Variants in GRB2 observed in about 807,000 individuals in gnomAD.
GRB2 encodes growth factor receptor bound protein 2, also known as growth factor receptor-bound protein 2.
A neutral mutation model predicts 27.4 loss-of-function variants in GRB2; 2 were observed. The ratio of observed to expected loss-of-function variants is 0.07; its 90% CI spans 0.03 to 0.23. GRB2 has a LOEUF of 0.23. GRB2 is among the 10% of genes least tolerant of loss of function. The probability of loss-of-function intolerance (pLI) is 1.00; values close to 1 mark genes in which losing one functional copy is unlikely to be tolerated. For synonymous variants in GRB2, 94 were observed against 99.6 expected (o/e 0.94, Z 0.33); for missense variants, 102 against 282.4 (o/e 0.36, Z 4.58).
At chr17:75,381,149 T>C (rs979704779) in intron 2 of GRB2, among the ~76,000 whole-genome samples, 13 of 152,224 alleles carry the variant, frequency 8.5e-5, no homozygotes, top group African/African-American at 2.9e-4. Context: ...TAACTTGATA[T>C]GTTATACAAC....
intron 2 of GRB2, among the ~76,000 whole-genome samples, chr17:75,349,587 T>C (rs1457455717): frequency 5.5e-5 from 8 of 144,852 alleles, no homozygotes; most frequent in Non-Finnish European, 4.5e-5. Flanking sequence ...CTTGGCCCAC[T>C]GCAACCCCCG....
chr17:75,320,959 A>C lies in GRB2; in HGVS notation c.469-406T>G, dbSNP rs1165416075. ...AAAGTTCTGGAGCTCGAATAACATA[A>C]GGGGCTCTAACCGTAACTTACGACC... is the stretch of plus-strand genomic sequence containing the variant. On this transcript the variant is annotated intron_variant, in intron 5 of 5. Coordinates refer to ENST00000316804, the MANE Select transcript of GRB2 (RefSeq NM_002086.5). This position sits in a 1 kb window ranked among gnomAD's most constrained non-coding sequence, Gnocchi z 4.3. Among the ~76,000 whole-genome samples, 1 of 152,110 alleles carries C rather than the reference A, an allele frequency of 6.6e-6. No homozygotes were observed. The highest frequency in any genetic ancestry group is 1.5e-5 in the Non-Finnish European group (1 of 68,036).
At chr17:75,405,275 G>C (rs1385985190) in intron 1 of GRB2, 1 of 152,568 alleles carries the variant, frequency 6.6e-6, no homozygotes. Context: ...ACTGCCCAGA[G>C]CCAAGAGCCG....
At chr17:75,345,694 TACCCCC>T (rs531480418) in intron 2 of GRB2, among the ~76,000 whole-genome samples, 29 of 151,986 alleles carry the variant, frequency 1.9e-4, no homozygotes, top group African/African-American at 3.9e-4. Context: ...GGCAAGTCCC[TACCCCC>T]ACCCCCACCC....
At chr17:75,336,914 T>C (rs965841385) in intron 2 of GRB2, among the ~76,000 whole-genome samples, 2 of 152,118 alleles carry the variant, frequency 1.3e-5, no homozygotes, top group Middle Eastern at 3.2e-3. Flanking sequence ...ATTTTTGTAC[T>C]TTTAGCAGAC....
chr17:75,367,866 CTT>C (rs57061738), intron 2 of GRB2, among the ~76,000 whole-genome samples: 99,067 of 151,690 alleles, frequency 0.65, 37,725 homozygotes, highest in East Asian at 0.91. Flanking sequence ...TTAAAATACT[CTT>C]TAGATTTTTT....
At chr17:75,323,666 A>G (rs1266310987) in intron 4 of GRB2, among the ~76,000 whole-genome samples, 3 of 152,210 alleles carry the variant, frequency 2.0e-5, no homozygotes, top group Non-Finnish European at 2.9e-5. Context: ...GGCAGCGTCC[A>G]GCCGAGCACG....
At chr17:75,333,606 G>A (rs1258983932) in intron 2 of GRB2, among the ~76,000 whole-genome samples, 1 of 152,078 alleles carries the variant, frequency 6.6e-6, no homozygotes. Flanking sequence ...ATCCCCTCAT[G>A]GCTTCTCTGG....
intron 2 of GRB2, among the ~76,000 whole-genome samples, chr17:75,359,206 A>G (rs1250897209): frequency 6.9e-6 from 1 of 145,706 alleles, no homozygotes; most frequent in Non-Finnish European, 1.5e-5. Context: ...TAGACAATAC[A>G]ACTTTGGTTA....
chr17:75,376,287 G>A (rs1277096584), intron 2 of GRB2, among the ~76,000 whole-genome samples: 1 of 143,710 alleles, frequency 7.0e-6, no homozygotes, highest in Non-Finnish European at 1.5e-5. Flanking sequence ...AGACGTTGCA[G>A]TGAGCCGAGA....
intron 2 of GRB2, among the ~76,000 whole-genome samples, chr17:75,389,221 C>T (rs2078983454): frequency 6.6e-6 from 1 of 152,152 alleles, no homozygotes; most frequent in Non-Finnish European, 1.5e-5. Flanking sequence ...GATTCTTATT[C>T]CAGCCTTCCT....
intron 2 of GRB2, among the ~76,000 whole-genome samples, chr17:75,366,452 A>G (rs906520480): frequency 8.8e-5 from 13 of 147,720 alleles, no homozygotes; most frequent in Non-Finnish European, 1.6e-4. Flanking sequence ...GGAGGCTGGC[A>G]CAGGCAATCA....
At chr17:75,368,775 G>A (rs2078837424) in intron 2 of GRB2, among the ~76,000 whole-genome samples, 1 of 151,076 alleles carries the variant, frequency 6.6e-6, no homozygotes, top group Non-Finnish European at 1.5e-5. Flanking sequence ...TCTTGAACTC[G>A]GCTCAAATGA....
At chr17:75,384,848 A>C (rs2078952101) in intron 2 of GRB2, among the ~76,000 whole-genome samples, 1 of 151,572 alleles carries the variant, frequency 6.6e-6, no homozygotes, top group Admixed American at 6.6e-5. Flanking sequence ...AAAAGACAGC[A>C]ATTTTTCCTA....
intron 3 of GRB2, 38 bp from the exon 4 acceptor site, chr17:75,326,058 C>G: frequency 6.2e-7 from 1 of 1,612,824 alleles, no homozygotes; most frequent in Non-Finnish European, 8.5e-7. Context: ...ATCTGCTTCC[C>G]CACAAAGAAA....
At chr17:75,338,780 G>C in intron 2 of GRB2, 2 of 665,250 alleles carry the variant, frequency 3.0e-6, no homozygotes, top group Non-Finnish European at 5.5e-6. Flanking sequence ...TTACACAGAA[G>C]AATTAAAAAT....
chr17:75,365,205 A>G (rs2078811440), intron 2 of GRB2, among the ~76,000 whole-genome samples: 1 of 152,154 alleles, frequency 6.6e-6, no homozygotes, highest in East Asian at 1.9e-4. Context: ...GCCCACCCAG[A>G]GGCTTATGTT....
chr17:75,380,077 T>C (rs939788663), intron 2 of GRB2, among the ~76,000 whole-genome samples: 6 of 152,258 alleles, frequency 3.9e-5, no homozygotes, highest in Admixed American at 2.6e-4. Flanking sequence ...GCTGAACATG[T>C]CATGTTTCTA....
intron 2 of GRB2, chr17:75,393,275 C>T (rs2079009632): frequency 2.0e-6 from 1 of 504,772 alleles, no homozygotes; most frequent in Non-Finnish European, 3.5e-6. Context: ...TTCCTTTCTA[C>T]AATCACATTA....
Sources: gnomAD v4.1 joint callset for allele counts (sites outside exome capture counted in the v4.1 genomes callset) on GRCh38, gnomAD v4.1.1 for gene constraint, Gnocchi (gnomAD v3.1) non-coding constraint, MANE v1.5 for transcripts, NCBI Gene and HGNC (gene_info 2026-07-23, HGNC 2026-07-21) for gene names.